PCYT1B: variants seen among roughly 807,000 people sequenced by gnomAD.
PCYT1B encodes choline-phosphate cytidylyltransferase B.
A neutral mutation model predicts 26.4 loss-of-function variants in PCYT1B; 10 were observed. That is an observed-to-expected ratio of 0.38 (90% CI 0.23 to 0.64). The LOEUF (loss-of-function observed/expected upper bound fraction) is 0.64. Among genes scored for constraint, PCYT1B ranks in the 30% least tolerant of loss-of-function variants. PCYT1B has a pLI of 0.56. For synonymous variants in PCYT1B, 131 were observed against 108.4 expected, an observed-to-expected ratio of 1.21 and a Z score of -1.29; for missense variants, 161 against 292.7, an observed-to-expected ratio of 0.55 and a Z score of 3.28.
chrX:24,581,812 T>C (rs7879328), intron 5 of PCYT1B, among the ~76,000 whole-genome samples: 336 of 112,562 alleles, frequency 3.0e-3, no homozygotes, highest in African/African-American at 0.01. Flanking sequence ...TCTGAATGTT[T>C]CCATCTTGCA....
intron 4 of PCYT1B, among the ~76,000 whole-genome samples, chrX:24,588,640 C>A (rs940217775): frequency 2.7e-5 from 3 of 111,654 alleles, no homozygotes; most frequent in Non-Finnish European, 5.6e-5. Flanking sequence ...TAGGATTTCT[C>A]AAGCTCAGTA....
chrX:24,665,367 T>C (rs982544607), intron 1 of PCYT1B, among the ~76,000 whole-genome samples: 2 of 110,053 alleles, frequency 1.8e-5, no homozygotes, highest in Non-Finnish European at 3.8e-5. Context: ...CTCGGCTCAC[T>C]GCAACCTCTG....
chrX:24,634,974 A>G (rs1421917901), intron 1 of PCYT1B, among the ~76,000 whole-genome samples: 2 of 112,139 alleles, frequency 1.8e-5, no homozygotes, highest in Non-Finnish European at 3.8e-5. Flanking sequence ...ACCATTAGAA[A>G]TATCTGCTAC....
At chrX:24,602,359 C>G (rs1047032039) in intron 3 of PCYT1B, among the ~76,000 whole-genome samples, 8 of 111,873 alleles carry the variant, frequency 7.2e-5, no homozygotes, top group African/African-American at 2.6e-4. Flanking sequence ...ATAGGTAGAG[C>G]ATATAGGATT....
At chrX:24,593,433 CTTTCTTTCTTTCTTTTCT>C (rs1323298591) in intron 3 of PCYT1B, among the ~76,000 whole-genome samples, 29 of 66,396 alleles carry the variant, frequency 4.4e-4, no homozygotes, top group Non-Finnish European at 7.4e-4. Flanking sequence ...TCTTTCTTTC[CTTTCTTTCTTTCTTTTCT>C]TTTCTTTTCT....
chrX:24,595,889 A>G (rs936175213), intron 3 of PCYT1B, among the ~76,000 whole-genome samples: 5 of 110,351 alleles, frequency 4.5e-5, no homozygotes, highest in East Asian at 2.8e-4. Flanking sequence ...TCAAAGAAAA[A>G]AAAAAAAAAA....
chrX:24,609,316 ACT>A (rs992379372), intron 2 of PCYT1B, among the ~76,000 whole-genome samples: 74 of 111,116 alleles, frequency 6.7e-4, no homozygotes, highest in Middle Eastern at 4.7e-3. Flanking sequence ...GATTACAGGC[ACT>A]CAGCACCACA....
At chrX:24,562,652 G>C in intron 7 of PCYT1B, 147 bp from the exon 8 acceptor site, 1 of 488,118 alleles carries the variant, frequency 2.0e-6, no homozygotes, top group Non-Finnish European at 3.5e-6. Context: ...TGTTGTCCAA[G>C]ACTATGTATA....
intron 7 of PCYT1B, 57 bp downstream of exon 7, chrX:24,575,073 A>C: frequency 1.0e-6 from 1 of 994,052 alleles, no homozygotes; most frequent in South Asian, 2.7e-5. Context: ...GCTCCATAAA[A>C]AGGAGGATAA....
chrX:24,647,538 C>G (rs1028770579), upstream of PCYT1B, among the ~76,000 whole-genome samples: 1 of 111,871 alleles, frequency 8.9e-6, no homozygotes, highest in African/African-American at 3.3e-5. Flanking sequence ...TCTCTGGGCA[C>G]GGGACCCGGG....
chrX:24,605,818 G>A (rs1371233499), intron 3 of PCYT1B, among the ~76,000 whole-genome samples: 2 of 110,569 alleles, frequency 1.8e-5, no homozygotes, highest in East Asian at 2.9e-4. Context: ...CACTTTGGGA[G>A]GCTGAGGCGG....
chrX:24,641,617 G>C (rs986659704), intron 1 of PCYT1B, among the ~76,000 whole-genome samples: 1 of 112,411 alleles, frequency 8.9e-6, no homozygotes, highest in Non-Finnish European at 1.9e-5. Context: ...CTGAGCACTT[G>C]AAATTAGCTA....
intron 7 of PCYT1B, among the ~76,000 whole-genome samples, chrX:24,567,407 C>T (rs1370776686): frequency 8.9e-6 from 1 of 112,039 alleles, no homozygotes; most frequent in East Asian, 2.8e-4. Context: ...TGCAAAGGAG[C>T]GGAATTCAAT....
intron 1 of PCYT1B, among the ~76,000 whole-genome samples, chrX:24,622,881 A>G (rs1341504774): frequency 8.9e-6 from 1 of 112,046 alleles, no homozygotes; most frequent in Non-Finnish European, 1.9e-5. Context: ...AGAAGGGGTA[A>G]CTCAAACAAT....
Position 24,562,070 on chromosome X carries a change from G to C in PCYT1B, c.*223C>G, listed in dbSNP as rs780784858. 5 of 1,203,363 alleles carry C rather than the reference G, an allele frequency of 4.2e-6. No homozygotes were observed. The highest frequency in any genetic ancestry group is 5.9e-5 in the East Asian group (2 of 33,756). On this transcript the variant is annotated 3_prime_UTR_variant, in exon 8 of 8. Coordinates refer to ENST00000379144, the MANE Select transcript of PCYT1B (RefSeq NM_004845.5). ...AGAGTGACTCTAGACGCTAAGGTTT[G>C]TGTAGGTTGTCCAGCTAGAAGTCTC...
chrX:24,648,359 A>G (rs1926690797), upstream of PCYT1B, among the ~76,000 whole-genome samples: 2 of 110,269 alleles, frequency 1.8e-5, no homozygotes, highest in Non-Finnish European at 3.8e-5. Flanking sequence ...TCTTTGTGAG[A>G]ACCCAAAGAG....
intron 1 of PCYT1B, among the ~76,000 whole-genome samples, chrX:24,656,715 C>G (rs1036741181): frequency 1.9e-5 from 2 of 107,381 alleles, no homozygotes; most frequent in African/African-American, 6.8e-5. Flanking sequence ...GCCACCACAC[C>G]CGGCTAATTT....
chrX:24,567,058 C>T (rs1233875831), intron 7 of PCYT1B, among the ~76,000 whole-genome samples: 1 of 112,263 alleles, frequency 8.9e-6, no homozygotes, highest in Non-Finnish European at 1.9e-5. Context: ...CATTTAAAAA[C>T]ATTCTTGAAC....
At chrX:24,600,857 C>T (rs1039364811) in intron 3 of PCYT1B, among the ~76,000 whole-genome samples, 1 of 109,068 alleles carries the variant, frequency 9.2e-6, no homozygotes, top group African/African-American at 3.3e-5. Context: ...ATACAGAGAG[C>T]CAGTCTTTGA....
Sources: allele counts gnomAD v4.1 joint callset (sites outside exome capture counted in the v4.1 genomes callset), GRCh38; gene constraint gnomAD v4.1.1; transcripts MANE v1.5; gene names NCBI Gene and HGNC (gene_info 2026-07-23, HGNC 2026-07-21).